Variants in RYR2 observed in about 807,000 individuals in gnomAD.
RYR2 encodes cardiac muscle ryanodine receptor-calcium release channel.
A neutral mutation model predicts 601.1 loss-of-function variants in RYR2; 227 were observed. The observed-to-expected ratio is 0.38, with a 90% CI of 0.34 to 0.42. The LOEUF (loss-of-function observed/expected upper bound fraction) is 0.42, where lower values mean the gene tolerates loss of function less well. RYR2 is among the 10% of genes least tolerant of loss of function. The probability of loss-of-function intolerance (pLI) is 1.00; values close to 1 mark genes in which losing one functional copy is unlikely to be tolerated. For synonymous variants in RYR2, 2,223 were observed against 2,175.1 expected, an observed-to-expected ratio of 1.02 and a Z score of -0.61; for missense variants, 4,646 against 6,156.5, an observed-to-expected ratio of 0.75 and a Z score of 8.21.
intron 26 of RYR2, among the ~76,000 whole-genome samples, chr1:237,550,250 C>T: frequency 6.6e-6 from 1 of 152,278 alleles, no homozygotes; most frequent in East Asian, 1.9e-4. Context: ...TAAGTTTGTC[C>T]TTTGCCATGT....
intron 89 of RYR2, among the ~76,000 whole-genome samples, chr1:237,782,160 C>G (rs1695173381): frequency 6.7e-6 from 1 of 148,826 alleles, no homozygotes; most frequent in Non-Finnish European, 1.5e-5. Flanking sequence ...TTTTTCTTCC[C>G]AGCTTATTTT....
chr1:237,287,216 G>A (rs201259649), intron 2 of RYR2, among the ~76,000 whole-genome samples: 2 of 152,128 alleles, frequency 1.3e-5, no homozygotes, highest in Non-Finnish European at 1.5e-5. Flanking sequence ...AGGCTACCTG[G>A]TGCTTCTGTC....
Position 237,709,091 on chromosome 1 carries a change from T to C in RYR2, c.10135T>C (p.Tyr3379His). ...FYPLLIRFVD[Y>H]NRAKWLKEPN... ...CCCTCTCTTGATTAGATTTGTGGACTATAACAGGTATGATCAAAAGTAATT... is the reference window on the plus strand; with the variant it reads ...CCCTCTCTTGATTAGATTTGTGGACCATAACAGGTATGATCAAAAGTAATT... The change falls in exon 69 of 105, where the codon TAT becomes CAT. Residue 3379 changes from tyrosine to histidine, a missense_variant. By Grantham distance (83) the Tyr-to-His change is moderately conservative. Around this residue, in one of 17 missense-constraint regions of RYR2, gnomAD observed 1,497 missense variants for 1,842.6 expected, o/e 0.81. Coordinates refer to ENST00000366574, the MANE Select transcript of RYR2 (RefSeq NM_001035.3). 6.4e-7 allele frequency: 1 copy of C among 1,566,844 alleles called. No individual in the cohort carries two copies. The highest frequency in any genetic ancestry group is 8.6e-7 in the Non-Finnish European group (1 of 1,157,994).
At chr1:237,735,056 A>C (rs1234756544) in intron 79 of RYR2, among the ~76,000 whole-genome samples, 1 of 152,174 alleles carries the variant, frequency 6.6e-6, no homozygotes, top group Non-Finnish European at 1.5e-5. Context: ...CTTAAGTGTG[A>C]GCTAACATAG....
At chr1:237,809,095 G>C in intron 100 of RYR2, 60 bp downstream of exon 100, 6 of 1,426,610 alleles carry the variant, frequency 4.2e-6, no homozygotes, top group Non-Finnish European at 5.9e-6. Flanking sequence ...TGCAGTCTAA[G>C]TAATTGTGTA....
At chr1:237,430,984 C>T (rs1282395192) in intron 12 of RYR2, among the ~76,000 whole-genome samples, 2 of 152,054 alleles carry the variant, frequency 1.3e-5, no homozygotes, top group African/African-American at 2.4e-5. Context: ...GTAGAGAGGC[C>T]GAAGAGCCCA....
chr1:237,608,217 G>C (rs953784511), intron 35 of RYR2, among the ~76,000 whole-genome samples: 2 of 152,162 alleles, frequency 1.3e-5, no homozygotes, highest in Non-Finnish European at 2.9e-5. Context: ...GCTGAGGGCA[G>C]AACTCTCAAG....
At chr1:237,615,054 C>T (rs929635864) in intron 37 of RYR2, among the ~76,000 whole-genome samples, 3 of 152,280 alleles carry the variant, frequency 2.0e-5, no homozygotes, top group Non-Finnish European at 4.4e-5. Context: ...ACCTTCATTA[C>T]ATTGGAATAC....
intron 25 of RYR2, among the ~76,000 whole-genome samples, chr1:237,545,565 G>T (rs1287697349): frequency 6.6e-6 from 1 of 152,118 alleles, no homozygotes; most frequent in Non-Finnish European, 1.5e-5. Flanking sequence ...GCTTGTGCTG[G>T]GTGACCATGG....
intron 1 of RYR2, among the ~76,000 whole-genome samples, chr1:237,053,683 C>T (rs1204532647): frequency 1.3e-5 from 2 of 152,190 alleles, no homozygotes; most frequent in African/African-American, 4.8e-5. Flanking sequence ...CCACGCTTGT[C>T]CTGCCTTTAA....
At chr1:237,393,255 A>G (rs911990596) in intron 10 of RYR2, among the ~76,000 whole-genome samples, 2 of 152,238 alleles carry the variant, frequency 1.3e-5, no homozygotes, top group Admixed American at 6.5e-5. Context: ...TTCTGACAGT[A>G]TCTGGAAATA....
chr1:237,744,800 AT>A (rs111625810), intron 80 of RYR2, among the ~76,000 whole-genome samples: 7,881 of 136,242 alleles, frequency 0.058, 271 homozygotes, highest in African/African-American at 0.15. Flanking sequence ...TTCCTTTGTA[AT>A]TTTTTTTTTT....
At chr1:237,402,867 G>A (rs1435794528) in intron 10 of RYR2, among the ~76,000 whole-genome samples, 3 of 11,328 alleles carry the variant, frequency 2.6e-4, no homozygotes, top group South Asian at 8.2e-3. Context: ...CTGCAGCCTC[G>A]ATGTCCTGGC....
rs559173308 is a variant in RYR2, at chr1:237,688,413, C to CAT, written c.9067+921_9067+922dup. 1.5e-3 allele frequency among the ~76,000 whole-genome samples: 228 copies of CAT among 150,796 alleles called. 2 individuals are homozygous for CAT. Among genetic ancestry groups the CAT allele is most frequent in the African/African-American group, 4.5e-3 (186 of 41,126 alleles). ...ACTGAGGAACGGGTATATATATATA[C>CAT]ATATATATATATACACACACACACA... On this transcript the variant is annotated intron_variant, in intron 63 of 104. Coordinates refer to ENST00000366574, the MANE Select transcript of RYR2 (RefSeq NM_001035.3).
intron 41 of RYR2, among the ~76,000 whole-genome samples, chr1:237,629,564 A>G (rs1404479064): frequency 1.3e-5 from 2 of 152,114 alleles, no homozygotes; most frequent in East Asian, 3.9e-4. Flanking sequence ...ATGTAGTTAC[A>G]TAGATATCAG....
intron 17 of RYR2, among the ~76,000 whole-genome samples, chr1:237,490,244 G>C (rs1572562230): frequency 6.6e-6 from 1 of 152,198 alleles, no homozygotes; most frequent in South Asian, 2.1e-4. Flanking sequence ...CTCACTACCT[G>C]GTTGATGGGA....
chr1:237,804,672 G>A (rs1558454264), intron 98 of RYR2, among the ~76,000 whole-genome samples: 1 of 152,036 alleles, frequency 6.6e-6, no homozygotes, highest in Non-Finnish European at 1.5e-5. Context: ...AGTACCAATA[G>A]TATTATTAGG....
Position 237,784,829 on chromosome 1 carries a change from A to G in RYR2, c.13117A>G (p.Ser4373Gly). Residue 4373 changes from serine to glycine, a missense_variant, in exon 90 of 105, where the codon AGT (serine) becomes GGT (glycine). Around this residue, in one of 17 missense-constraint regions of RYR2, gnomAD observed 364 missense variants for 442.9 expected, o/e 0.82. Coordinates refer to ENST00000366574, the MANE Select transcript of RYR2 (RefSeq NM_001035.3). This position sits in a 1 kb window ranked among gnomAD's most constrained non-coding sequence, Gnocchi z 7.1. ...CGACTTAAAGGAGCTGACAGAGGAAAGTGACCTTCTTTCGGACATCTTTGG... is the reference window on the plus strand; with the variant it reads ...CGACTTAAAGGAGCTGACAGAGGAAGGTGACCTTCTTTCGGACATCTTTGG... The part of the protein sequence containing the change: ...LTDLKELTEE[S>G]DLLSDIFGLD... 1 of 1,613,784 alleles carries G rather than the reference A, an allele frequency of 6.2e-7. No homozygotes were observed. Among genetic ancestry groups the G allele is most frequent in the Non-Finnish European group, 8.5e-7 (1 of 1,179,752 alleles).
chr1:237,232,278 G>T (rs1179965734), intron 1 of RYR2, among the ~76,000 whole-genome samples: 2 of 152,126 alleles, frequency 1.3e-5, no homozygotes, highest in African/African-American at 4.8e-5. Context: ...AACACCCCGG[G>T]GAGGGGGAGA....
Sources: allele counts gnomAD v4.1 joint callset (sites outside exome capture counted in the v4.1 genomes callset), GRCh38; gene constraint gnomAD v4.1.1; regional missense constraint gnomAD v4.1.1; non-coding constraint Gnocchi (gnomAD v3.1); transcripts MANE v1.5; gene names NCBI Gene and HGNC (gene_info 2026-07-23, HGNC 2026-07-21).